Variants in ABCA10 observed in about 807,000 individuals in gnomAD.
ABCA10 encodes the protein ATP binding cassette subfamily A member 10.
Under a neutral mutation model 187.5 loss-of-function variants are expected in ABCA10, and 169 were observed. The ratio of observed to expected loss-of-function variants is 0.90; its 90% CI spans 0.80 to 1.02. ABCA10 has a LOEUF of 1.02. ABCA10 is among the 50% of genes least tolerant of loss of function. ABCA10 has a pLI of 0.00. For synonymous variants in ABCA10, 574 were observed against 601.8 expected, an observed-to-expected ratio of 0.95 and a Z score of 0.68; for missense variants, 1,727 against 1,812.4, an observed-to-expected ratio of 0.95 and a Z score of 0.86.
intron 25 of ABCA10, among the ~76,000 whole-genome samples, chr17:69,168,960 A>G (rs1268107379): frequency 6.6e-6 from 1 of 152,228 alleles, no homozygotes; most frequent in Admixed American, 6.5e-5. Context: ...GTATATCTTT[A>G]TCAGCAGTGT....
chr17:69,149,242 T>C (rs1021691252), intron 37 of ABCA10, 154 bp from the exon 38 acceptor site: 11 of 775,154 alleles, frequency 1.4e-5, no homozygotes, highest in African/African-American at 5.2e-5. Flanking sequence ...AGAGTGGTGA[T>C]ATGGCTAATA....
At chr17:69,217,152 C>A (rs796247432) in intron 6 of ABCA10, among the ~76,000 whole-genome samples, 71 of 151,574 alleles carry the variant, frequency 4.7e-4, no homozygotes, top group Middle Eastern at 3.4e-3. Flanking sequence ...GAGGCTGAGG[C>A]AGGAGAATCA....
rs997400082 is a variant in ABCA10 at position 69,154,344 on chromosome 17, C to T, written c.3695-18G>A. The stretch of plus-strand genomic sequence containing the variant: ...AACTTCACCTGGAAGAAAGAGTCAC[C>T]ATCAATATTTGAATTTTCAAGGTTG... On this transcript the variant is annotated intron_variant, in intron 30 of 38. Transcript: ENST00000690296. 7 of 1,548,748 alleles carry T rather than the reference C, an allele frequency of 4.5e-6. No homozygotes were observed. Among genetic ancestry groups the T allele is most frequent in the Non-Finnish European group, 5.2e-6 (6 of 1,144,480 alleles).
rs558949677 is a variant in ABCA10, at chr17:69,223,900, T to C, written c.35-1203A>G. ...TGGTCCGTGAGACTAAGACAGAAAG[T>C]GGCTATTAGCTTACACTGTGCATAC... is the stretch of plus-strand genomic sequence containing the variant. On this transcript the variant is annotated intron_variant, in intron 3 of 38. Coordinates refer to ENST00000690296, the MANE Select transcript of ABCA10 (RefSeq NM_001377321.1). 4.6e-5 allele frequency among the ~76,000 whole-genome samples: 7 copies of C among 152,248 alleles called. No homozygotes were observed. The East Asian group carries it at 1.4e-3, about 29-fold the overall frequency.
intron 25 of ABCA10, among the ~76,000 whole-genome samples, chr17:69,167,882 T>C (rs893028243): frequency 6.6e-6 from 1 of 151,516 alleles, no homozygotes; most frequent in African/African-American, 2.4e-5. Flanking sequence ...GAAATTATAA[T>C]ATATTTCTGT....
intron 1 of ABCA10, among the ~76,000 whole-genome samples, chr17:69,242,626 A>G (rs1278734228): frequency 1.3e-5 from 2 of 152,006 alleles, no homozygotes; most frequent in Admixed American, 6.6e-5. Context: ...CACCACACCC[A>G]GCTAATTTTA....
intron 1 of ABCA10, among the ~76,000 whole-genome samples, chr17:69,237,293 T>C (rs935910051): frequency 5.3e-5 from 8 of 152,202 alleles, no homozygotes; most frequent in African/African-American, 1.9e-4. Context: ...TGCAAAATGT[T>C]TCTGATTGGA....
At chr17:69,149,006 G>A (rs2144747177) in intron 38 of ABCA10, 27 bp downstream of exon 38, 1 of 1,613,758 alleles carries the variant, frequency 6.2e-7, no homozygotes, top group Non-Finnish European at 8.5e-7. Context: ...CATCTGGATG[G>A]TGCTCACTCG....
Position 69,221,889 on chromosome 17 carries a change from C to T in ABCA10, c.206G>A (p.Cys69Tyr). Reference sequence around the variant, plus strand: ...AAAAATTTCACCATGCATGGCCCAACAGTGTTCTTTAAGGAAGAAGAAAAA... The same window carrying T: ...AAAAATTTCACCATGCATGGCCCAATAGTGTTCTTTAAGGAAGAAGAAAAA... ...IKEHSEYTEH[C>Y]WAMHGEIFCY... The change falls in exon 5 of 39, where the codon TGT (cysteine) becomes TAT (tyrosine). Residue 69 changes from cysteine to tyrosine, a missense_variant. Coordinates refer to ENST00000690296, the MANE Select transcript of ABCA10 (RefSeq NM_001377321.1). 6.2e-7 allele frequency: 1 copy of T among 1,609,142 alleles called. No individual in the cohort carries two copies. Among genetic ancestry groups the T allele is most frequent in the South Asian group, 1.1e-5 (1 of 89,792 alleles).
intron 20 of ABCA10, 21 bp from the exon 21 acceptor site, chr17:69,182,829 C>T: frequency 7.3e-7 from 1 of 1,363,198 alleles, no homozygotes; most frequent in Non-Finnish European, 9.4e-7. Context: ...GGAAGGAAGG[C>T]AACAAGAAAA....
At chr17:69,167,147 T>A (rs1437565844) in intron 25 of ABCA10, among the ~76,000 whole-genome samples, 1 of 152,182 alleles carries the variant, frequency 6.6e-6, no homozygotes, top group African/African-American at 2.4e-5. Context: ...TTTAAAGTTA[T>A]TTTGCTACTG....
At chr17:69,210,168 TTC>T (rs2074628449) in intron 9 of ABCA10, among the ~76,000 whole-genome samples, 4 of 137,364 alleles carry the variant, frequency 2.9e-5, no homozygotes, top group African/African-American at 6.0e-5. Context: ...TAGTGGTTAT[TTC>T]TTTTTTTTTT....
At chr17:69,179,475 A>G (rs2074362327) in intron 22 of ABCA10, among the ~76,000 whole-genome samples, 1 of 152,204 alleles carries the variant, frequency 6.6e-6, no homozygotes, top group Non-Finnish European at 1.5e-5. Flanking sequence ...CTACCTGGAA[A>G]AGATAAATGT....
rs1598127243 is a variant in ABCA10 at position 69,225,520 on chromosome 17, T to C, written c.-162A>G. On this transcript the variant is annotated 5_prime_UTR_variant, in exon 3 of 39. Transcript: ENST00000690296. The stretch of plus-strand genomic sequence containing the variant: ...AAATATAGCCCTAGAAACAATGTTA[T>C]TGTCCATTCCTCCAGCACACAAAAG... The C allele has an allele frequency of 3.2e-6, 2 of 617,962 alleles. No homozygotes were observed. The allele number at this position is 617,962 out of a possible 1,614,324, so 38.3% of individuals were successfully genotyped here. A position where few individuals can be genotyped will look rare whatever the true frequency, so the allele number is the denominator to read the frequency against.
Position 69,227,415 on chromosome 17 carries a change from A to C in ABCA10, c.-312-130T>G, listed in dbSNP as rs949485513. The C allele has an allele frequency of 3.3e-5, 5 of 152,104 alleles. 1 individual carries two copies. In the South Asian group the frequency reaches 1.0e-3, roughly 32 times the overall value. 9.4% of individuals were successfully genotyped at this position (152,104 alleles called of 1,614,324 possible). On this transcript the variant is annotated intron_variant, in intron 1 of 38. Coordinates refer to ENST00000690296, the MANE Select transcript of ABCA10 (RefSeq NM_001377321.1). The stretch of plus-strand genomic sequence containing the variant: ...AGCAACATATTCAATCAGGATTTTA[A>C]AAAAGAATATAAAGTATTAGTAATT...
Position 69,154,243 on chromosome 17 carries a change from C to A in ABCA10, c.3778G>T (p.Ala1260Ser). ...CTTCACATGTCACATACCACTCCTG[C>A]AGTTGGCTTTGTGCACCCAGTTATC... ...KMITGCTKPT[A>S]GVVVLQGSRA... is the part of the protein sequence containing the mutation. Residue 1260 changes from alanine to serine, a missense_variant, in exon 31 of 39, where the codon GCA becomes TCA. By Grantham distance (99) the Ala-to-Ser change is moderately conservative. Transcript: ENST00000690296. 4 of 1,609,572 alleles carry A rather than the reference C, an allele frequency of 2.5e-6. No individual in the cohort carries two copies. Among genetic ancestry groups the A allele is most frequent in the Non-Finnish European group, 3.4e-6 (4 of 1,177,764 alleles).
At chr17:69,153,745 G>A (rs2074149291) in intron 32 of ABCA10, 86 bp downstream of exon 32, 9 of 1,490,204 alleles carry the variant, frequency 6.0e-6, no homozygotes, top group Non-Finnish European at 4.5e-6. Flanking sequence ...TAAAGACATT[G>A]TTTATAATTT....
At chr17:69,169,468 A>T (rs1267621263) in intron 25 of ABCA10, among the ~76,000 whole-genome samples, 1 of 152,234 alleles carries the variant, frequency 6.6e-6, no homozygotes, top group Non-Finnish European at 1.5e-5. Context: ...TATAGATTCA[A>T]TGCAATCCCA....
At position 69,163,731 on chromosome 17, in the gene ABCA10, T is replaced by C. The variant is rs535260823; in HGVS notation, c.3363+343A>G. On this transcript the variant is annotated intron_variant, in intron 27 of 38. Coordinates refer to ENST00000690296, the MANE Select transcript of ABCA10 (RefSeq NM_001377321.1). Reference sequence around the variant, plus strand: ...ATTTCATTTAATCTTTCTCCTTTCCTCCTCATTATTCAAATTAGTTGTTAT... The same window carrying C: ...ATTTCATTTAATCTTTCTCCTTTCCCCCTCATTATTCAAATTAGTTGTTAT... Among the ~76,000 whole-genome samples the C allele has an allele frequency of 2.0e-5, 3 of 152,310 alleles. No homozygotes were observed. The East Asian group carries it at 5.8e-4, about 29-fold the overall frequency.
Sources: allele counts gnomAD v4.1 joint callset (sites outside exome capture counted in the v4.1 genomes callset), GRCh38; gene constraint gnomAD v4.1.1; transcripts MANE v1.5; gene names NCBI Gene and HGNC (gene_info 2026-07-23, HGNC 2026-07-21).